SCARA3: variants seen among roughly 807,000 people sequenced by gnomAD.
SCARA3 encodes scavenger receptor class A member 3, also known as cellular stress response gene protein.
SCARA3 carries 39 observed loss-of-function variants against 47.0 expected under a neutral mutation model. The ratio of observed to expected loss-of-function variants is 0.83; its 90% CI spans 0.64 to 1.08. The LOEUF (loss-of-function observed/expected upper bound fraction) is 1.08. SCARA3 is among the 50% of genes least tolerant of loss of function. SCARA3 has a pLI of 0.00. For missense variants in SCARA3, 724 were observed against 792.3 expected, an observed-to-expected ratio of 0.91 and a Z score of 1.04; for synonymous variants, 356 against 334.1, an observed-to-expected ratio of 1.07 and a Z score of -0.71.
In SCARA3 at chr8:27,671,354, A is replaced by C. The variant is rs1802151825; in HGVS notation, c.*3A>C. 8 of 1,412,798 alleles carry C rather than the reference A, an allele frequency of 5.7e-6. No individual in the cohort carries two copies. In the Admixed American group the frequency reaches 2.0e-4, roughly 36 times the overall value. 87.5% of individuals were successfully genotyped at this position (1,412,798 alleles called of 1,614,324 possible). On this transcript the variant is annotated 3_prime_UTR_variant, in exon 6 of 6. Coordinates refer to ENST00000301904, the MANE Select transcript of SCARA3 (RefSeq NM_016240.3). ...CAGGAAGCCAGAGCTTCTACTGAGGAGGGCTGTGGCAGAGCCACTGTCACA... is the reference window on the plus strand; with the variant it reads ...CAGGAAGCCAGAGCTTCTACTGAGGCGGGCTGTGGCAGAGCCACTGTCACA...
At chr8:27,715,820 TAGATGATAGATAGATAGATA>T in the SCARA3 span, among the ~76,000 whole-genome samples, 21 of 143,134 alleles carry the variant, frequency 1.5e-4, no homozygotes, top group Admixed American at 7.2e-4. This position sits in a 1 kb window ranked among gnomAD's most constrained non-coding sequence, Gnocchi z 4.2. Flanking sequence ...GATAGATAGA[TAGATGATAGATAGATAGATA>T]GATAGATAGA....
At chr8:27,644,074 T>TA (rs564004725) in intron 1 of SCARA3, among the ~76,000 whole-genome samples, 2,219 of 144,872 alleles carry the variant, frequency 0.015, 36 homozygotes, top group African/African-American at 0.043. Context: ...AGAGCAGACT[T>TA]AAAAAAAAAA....
chr8:27,720,760 G>A, the SCARA3 span, among the ~76,000 whole-genome samples: 3 of 149,196 alleles, frequency 2.0e-5, no homozygotes, highest in East Asian at 2.0e-4. Context: ...ATTCATCCAC[G>A]TATTTATCCA....
chr8:27,676,519 G>T (rs773322148), downstream of SCARA3: 1 of 1,600,218 alleles, frequency 6.2e-7, no homozygotes, highest in East Asian at 2.3e-5. Flanking sequence ...CTGAAGTGAG[G>T]AACAAACTAT....
At chr8:27,662,975 A>G (rs1447290569) in intron 5 of SCARA3, among the ~76,000 whole-genome samples, 1 of 152,176 alleles carries the variant, frequency 6.6e-6, no homozygotes, top group Non-Finnish European at 1.5e-5. Flanking sequence ...TAGGATGCAA[A>G]TATCTTCAGT....
chr8:27,697,327 G>T, the SCARA3 span: 1 of 211,078 alleles, frequency 4.7e-6, no homozygotes, highest in South Asian at 8.7e-5. Flanking sequence ...TGAGGCCTCT[G>T]AGCAGGCGTC....
intron 1 of SCARA3, among the ~76,000 whole-genome samples, chr8:27,649,291 G>A (rs1186937590): frequency 6.6e-6 from 1 of 152,168 alleles, no homozygotes; most frequent in Non-Finnish European, 1.5e-5. Flanking sequence ...ACTATGCTGT[G>A]GCCAGATTCA....
At chr8:27,711,827 C>T in the SCARA3 span, among the ~76,000 whole-genome samples, 2 of 152,062 alleles carry the variant, frequency 1.3e-5, no homozygotes, top group African/African-American at 2.4e-5. Flanking sequence ...CTCCCTGCCC[C>T]GACATATGCA....
intron 4 of SCARA3, among the ~76,000 whole-genome samples, chr8:27,657,864 C>A (rs1431043798): frequency 2.0e-5 from 3 of 152,136 alleles, no homozygotes; most frequent in Non-Finnish European, 4.4e-5. Flanking sequence ...GTCTTGCTCC[C>A]ACTTATAAGT....
intron 1 of SCARA3, 65 bp downstream of exon 1, chr8:27,634,272 C>G (rs970277263): frequency 7.8e-7 from 1 of 1,281,392 alleles, no homozygotes; most frequent in African/African-American, 1.5e-5. Flanking sequence ...CACCCAGGGC[C>G]TGGGGGGCGC....
chr8:27,688,777 G>T, the SCARA3 span, among the ~76,000 whole-genome samples: 1 of 152,182 alleles, frequency 6.6e-6, no homozygotes, highest in African/African-American at 2.4e-5. Context: ...TGCTTAGGAA[G>T]GGAGCTCTTA....
rs956875900 is a variant in SCARA3, at chr8:27,671,702, A to G, written c.*351A>G. ...TACACGTGCACACATACACAGGCAC[A>G]CATGCATGCACACATACACATGCAC... On this transcript the variant is annotated 3_prime_UTR_variant, in exon 6 of 6. Coordinates refer to ENST00000301904, the MANE Select transcript of SCARA3 (RefSeq NM_016240.3). 40 of 1,067,756 alleles carry G rather than the reference A, an allele frequency of 3.7e-5. No homozygotes were observed. The highest frequency in any genetic ancestry group is 4.5e-5 in the Non-Finnish European group (40 of 879,998). The allele number at this position is 1,067,756 out of a possible 1,614,324, so 66.1% of individuals were successfully genotyped here.
chr8:27,704,670 T>C, the SCARA3 span, among the ~76,000 whole-genome samples: 1 of 152,076 alleles, frequency 6.6e-6, no homozygotes, highest in African/African-American at 2.4e-5. Flanking sequence ...TCCAGCTGTG[T>C]AGACAGTTAG....
At chr8:27,686,741 A>C in the SCARA3 span, among the ~76,000 whole-genome samples, 1 of 152,288 alleles carries the variant, frequency 6.6e-6, no homozygotes, top group East Asian at 1.9e-4. Flanking sequence ...TTAGTTTACG[A>C]GTATCCACAC....
intron 2 of SCARA3, among the ~76,000 whole-genome samples, chr8:27,650,504 G>A (rs35386717): frequency 0.063 from 9,555 of 152,250 alleles, 355 homozygotes; most frequent in Non-Finnish European, 0.075. Context: ...TAGAGCAGTT[G>A]TTCTCAACCT....
chr8:27,650,869 G>C (rs1801616324), intron 2 of SCARA3, among the ~76,000 whole-genome samples: 1 of 152,090 alleles, frequency 6.6e-6, no homozygotes, highest in African/African-American at 2.4e-5. Context: ...GGATTCCCAG[G>C]GTGTGGGGCT....
intron 5 of SCARA3, among the ~76,000 whole-genome samples, chr8:27,663,775 C>T (rs1050050997): frequency 2.0e-5 from 3 of 152,208 alleles, no homozygotes; most frequent in African/African-American, 7.2e-5. Flanking sequence ...CCGCCACTGA[C>T]ACCTCAAGCA....
chr8:27,658,466 A>T (rs777550950), intron 4 of SCARA3, 30 bp from the exon 5 acceptor site: 12 of 1,543,656 alleles, frequency 7.8e-6, no homozygotes, highest in Non-Finnish European at 9.6e-6. Flanking sequence ...GCCCTTCAGC[A>T]ACTCAAACTG....
chr8:27,689,900 G>A, the SCARA3 span, among the ~76,000 whole-genome samples: 25 of 152,184 alleles, frequency 1.6e-4, no homozygotes, highest in Non-Finnish European at 1.5e-5. Flanking sequence ...GACCCAGGAG[G>A]ATTTCTTGAG....
Sources: allele counts gnomAD v4.1 joint callset (sites outside exome capture counted in the v4.1 genomes callset), GRCh38; gene constraint gnomAD v4.1.1; non-coding constraint Gnocchi (gnomAD v3.1); transcripts MANE v1.5; gene names NCBI Gene and HGNC (gene_info 2026-07-23, HGNC 2026-07-21).